Variants in GRIP1 observed in about 807,000 individuals in gnomAD.
GRIP1 encodes the protein glutamate receptor-interacting protein 1.
In GRIP1, 45 loss-of-function variants were observed where a neutral mutation model predicts 129.9. That is an observed-to-expected ratio of 0.35 (90% CI 0.27 to 0.44). GRIP1 has a LOEUF of 0.44. Ranked by LOEUF, GRIP1 falls within the 20% of genes least tolerant of loss-of-function variation. GRIP1 has a pLI of 1.00. For missense variants in GRIP1, 1,196 were observed against 1,396.8 expected, an observed-to-expected ratio of 0.86 and a Z score of 2.29; for synonymous variants, 530 against 520.8, an observed-to-expected ratio of 1.02 and a Z score of -0.24.
chr12:66,621,291 C>T (rs982466833), intron 1 of GRIP1, among the ~76,000 whole-genome samples: 1 of 152,028 alleles, frequency 6.6e-6, no homozygotes, highest in African/African-American at 2.4e-5. Context: ...TCCTGGTAAC[C>T]TCTATTCTAC....
chr12:66,742,071 G>C (rs1304363865), intron 1 of GRIP1, among the ~76,000 whole-genome samples: 1 of 151,994 alleles, frequency 6.6e-6, no homozygotes, highest in East Asian at 1.9e-4. Context: ...ACAGTAACTA[G>C]GTTATTTCCC....
At position 66,675,683 on chromosome 12, in the gene GRIP1, T is replaced by C. The variant is rs145833701; in HGVS notation, c.55+3167A>G. Among the ~76,000 whole-genome samples, 89 of 152,262 alleles carry C rather than the reference T, an allele frequency of 5.8e-4. 1 individual carries two copies. The highest frequency in any genetic ancestry group is 2.0e-3 in the African/African-American group (82 of 41,550). On this transcript the variant is annotated intron_variant, in intron 1 of 24. Coordinates refer to ENST00000359742, the MANE Select transcript of GRIP1 (RefSeq NM_001366722.1). Reference sequence around the variant, plus strand: ...TCTCTGGAAACCTCACAAAATGTTATTTTGGGATTTGGCTCTAAGGTTGGG... The same window carrying C: ...TCTCTGGAAACCTCACAAAATGTTACTTTGGGATTTGGCTCTAAGGTTGGG...
At chr12:66,746,282 CT>C (rs2036942701) in intron 1 of GRIP1, among the ~76,000 whole-genome samples, 1 of 152,136 alleles carries the variant, frequency 6.6e-6, no homozygotes, top group African/African-American at 2.4e-5. Context: ...CAAAGAGCCA[CT>C]TATTTCCATA....
chr12:66,822,528 C>T (rs1014515402), intron 1 of GRIP1, among the ~76,000 whole-genome samples: 2 of 152,060 alleles, frequency 1.3e-5, no homozygotes, highest in African/African-American at 4.8e-5. Context: ...ATAAATTATT[C>T]CATCAAAAAG....
At chr12:66,554,462 A>G (rs1315630964) in intron 2 of GRIP1, among the ~76,000 whole-genome samples, 1 of 152,124 alleles carries the variant, frequency 6.6e-6, no homozygotes, top group African/African-American at 2.4e-5. Flanking sequence ...GTGACCTAGC[A>G]TATTCCCAAC....
At chr12:67,058,994 CTGTGTATCTTTGAG>C (rs2043485103) in intron 1 of GRIP1, among the ~76,000 whole-genome samples, 1 of 152,230 alleles carries the variant, frequency 6.6e-6, no homozygotes, top group Non-Finnish European at 1.5e-5. Flanking sequence ...GAACTAACAT[CTGTGTATCTTTGAG>C]GGATTTAGAG....
At chr12:66,864,455 C>A (rs1354602179) in intron 1 of GRIP1, among the ~76,000 whole-genome samples, 2 of 152,068 alleles carry the variant, frequency 1.3e-5, no homozygotes, top group African/African-American at 4.8e-5. Flanking sequence ...GTGGCTCACA[C>A]CTGGAATCCC....
chr12:66,523,592 C>T (rs1489461233), intron 5 of GRIP1, among the ~76,000 whole-genome samples: 6 of 151,856 alleles, frequency 4.0e-5, no homozygotes, highest in Non-Finnish European at 8.8e-5. Flanking sequence ...AATGTAAAGA[C>T]CATCGAGACT....
chr12:67,030,310 T>C (rs17780826), intron 1 of GRIP1, among the ~76,000 whole-genome samples: 35,241 of 151,622 alleles, frequency 0.23, 4,722 homozygotes, highest in Non-Finnish European at 0.29. Flanking sequence ...ATTATTGCCA[T>C]AGGGAAATAT....
chr12:66,737,969 A>T (rs2036661000), intron 1 of GRIP1, among the ~76,000 whole-genome samples: 1 of 152,146 alleles, frequency 6.6e-6, no homozygotes, highest in Non-Finnish European at 1.5e-5. Context: ...AGCTGACCAG[A>T]TGAAAGGAAT....
At chr12:66,772,927 G>A (rs543083563) in intron 1 of GRIP1, among the ~76,000 whole-genome samples, 1 of 152,282 alleles carries the variant, frequency 6.6e-6, no homozygotes, top group African/African-American at 2.4e-5. Context: ...AGATATAAGA[G>A]AGGAAACCTT....
intron 7 of GRIP1, among the ~76,000 whole-genome samples, chr12:66,477,568 C>T (rs1335469841): frequency 1.3e-5 from 2 of 152,038 alleles, no homozygotes; most frequent in South Asian, 2.1e-4. Flanking sequence ...CCTGCATTGC[C>T]AAGTCAATCC....
chr12:66,471,692 A>T (rs2059443557), intron 7 of GRIP1, among the ~76,000 whole-genome samples: 1 of 152,234 alleles, frequency 6.6e-6, no homozygotes, highest in African/African-American at 2.4e-5. Flanking sequence ...GAGCTCTAAA[A>T]GATATCCCTC....
chr12:67,040,240 G>C (rs1370347998), intron 1 of GRIP1, among the ~76,000 whole-genome samples: 1 of 151,194 alleles, frequency 6.6e-6, no homozygotes, highest in African/African-American at 2.4e-5. Context: ...AAAGTGTCAT[G>C]GGTGAGCTCT....
At chr12:66,379,495 T>C (rs2137381733) in intron 19 of GRIP1, 59 bp from the exon 20 acceptor site, 1 of 1,547,366 alleles carries the variant, frequency 6.5e-7, no homozygotes. Context: ...CATTGAGAAA[T>C]GACATTGTTA....
intron 15 of GRIP1, among the ~76,000 whole-genome samples, chr12:66,411,157 C>CT (rs928148665): frequency 2.6e-5 from 4 of 152,162 alleles, no homozygotes; most frequent in Non-Finnish European, 4.4e-5. Flanking sequence ...AGCCAGACTG[C>CT]TTTTTTAAGC....
intron 2 of GRIP1, among the ~76,000 whole-genome samples, chr12:66,575,475 T>A (rs1434458521): frequency 2.0e-5 from 3 of 152,256 alleles, no homozygotes; most frequent in African/African-American, 4.8e-5. Context: ...ATCAGCATTT[T>A]AAATATTTAC....
At chr12:67,003,317 T>C (rs1158632061) in intron 1 of GRIP1, among the ~76,000 whole-genome samples, 2 of 152,222 alleles carry the variant, frequency 1.3e-5, no homozygotes, top group African/African-American at 2.4e-5. Flanking sequence ...TTTTCATTTA[T>C]AGTATTAATA....
chr12:66,548,389 C>T (rs561513089), intron 2 of GRIP1, among the ~76,000 whole-genome samples: 43 of 152,212 alleles, frequency 2.8e-4, no homozygotes, highest in Non-Finnish European at 5.3e-4. Context: ...AAAGACAGCT[C>T]TCTTGAAAGC....
Sources: gnomAD v4.1 joint callset for allele counts (sites outside exome capture counted in the v4.1 genomes callset) on GRCh38, gnomAD v4.1.1 for gene constraint, MANE v1.5 for transcripts, NCBI Gene and HGNC (gene_info 2026-07-23, HGNC 2026-07-21) for gene names.